Variants in FAM163B observed in about 807,000 individuals in gnomAD.
The protein encoded by FAM163B is family with sequence similarity 163 member B.
Under a neutral mutation model 7.6 loss-of-function variants are expected in FAM163B, and 4 were observed. That is an observed-to-expected ratio of 0.52 (90% confidence interval 0.26 to 1.20). The LOEUF (loss-of-function observed/expected upper bound fraction) is 1.20, where lower values mean the gene tolerates loss of function less well. Among genes scored for constraint, FAM163B ranks in the 50% most tolerant of loss-of-function variants. The probability of loss-of-function intolerance (pLI) is 0.14; values close to 1 mark genes in which losing one functional copy is unlikely to be tolerated. For synonymous variants in FAM163B, 120 were observed against 111.6 expected (o/e 1.07, Z -0.47); for missense variants, 250 against 243.0 (o/e 1.03, Z -0.19).
At chr9:133,592,280 G>C (rs1395420011) in intron 1 of FAM163B, among the ~76,000 whole-genome samples, 1 of 152,278 alleles carries the variant, frequency 6.6e-6, no homozygotes, top group Non-Finnish European at 1.5e-5. Context: ...GGGATTTCTT[G>C]TCTACAGGAA....
chr9:133,592,187 G>A (rs1831562582), intron 1 of FAM163B, among the ~76,000 whole-genome samples: 1 of 152,162 alleles, frequency 6.6e-6, no homozygotes, highest in African/African-American at 2.4e-5. Flanking sequence ...CTCCATAAAT[G>A]CCTGTGGGCC....
chr9:133,584,957 G>C (rs1029043368), intron 1 of FAM163B, among the ~76,000 whole-genome samples: 1 of 152,224 alleles, frequency 6.6e-6, no homozygotes, highest in Non-Finnish European at 1.5e-5. Flanking sequence ...TGCCCCCTGG[G>C]ACCATAAATG....
Position 133,578,881 on chromosome 9 carries a change from G to T in FAM163B, c.*141C>A. ...TGCCACGAGCCTGGGGGCTCCCCAA[G>T]CCTGGGCCTCCCCTGAGGACAGGGA... On this transcript the variant is annotated 3_prime_UTR_variant, in exon 3 of 3. Coordinates refer to ENST00000673969, the MANE Select transcript of FAM163B (RefSeq NM_001080515.3). The T allele has an allele frequency of 2.1e-6, 3 of 1,410,984 alleles. No individual in the cohort carries two copies. The highest frequency in any genetic ancestry group is 2.8e-6 in the Non-Finnish European group (3 of 1,080,768). The allele number at this position is 1,410,984 out of a possible 1,614,324, so 87.4% of individuals were successfully genotyped here. A position where few individuals can be genotyped will look rare whatever the true frequency, so the allele number is the denominator to read the frequency against.
Position 133,580,191 on chromosome 9 carries a change from GC to G in FAM163B, c.32del (p.Gly11AlafsTer6). On this transcript the variant is annotated frameshift_variant, in exon 2 of 3. Transcript: ENST00000673969. LOFTEE classifies it high-confidence loss of function. ...AGAGCAAAATCACAGTCGCCAAGAT[GC>G]CCCCGGTGATGACCACGGTCCCGGC... Reference protein sequence around the residue: MTAGTVVITGGILATVILLCI... With the variant: MTAGTVVITGXILATVILLCI... 1 of 1,613,460 alleles carries G rather than the reference GC, an allele frequency of 6.2e-7. No homozygotes were observed.
chr9:133,579,782 G>T (rs957961743), intron 2 of FAM163B, among the ~76,000 whole-genome samples: 3 of 152,178 alleles, frequency 2.0e-5, no homozygotes, highest in African/African-American at 7.2e-5. Flanking sequence ...GCCCTGCCCC[G>T]ATGGCTCCCC....
chr9:133,587,909 A>G lies in FAM163B; in HGVS notation c.-23-7663T>C, dbSNP rs1464463942. Among the ~76,000 whole-genome samples the G allele has an allele frequency of 2.0e-5, 3 of 149,110 alleles. No homozygotes were observed. In the East Asian group the frequency reaches 6.0e-4, roughly 30 times the overall value. On this transcript the variant is annotated intron_variant, in intron 1 of 2. Transcript: ENST00000673969. ...CTGGGATCTCCCTGGGAGCCCCTGG[A>G]GCAGATAGGGAAGGGACAGAGAAAA...
chr9:133,597,835 C>G (rs188638774), intron 1 of FAM163B, among the ~76,000 whole-genome samples: 1 of 151,608 alleles, frequency 6.6e-6, no homozygotes, highest in Admixed American at 6.6e-5. Context: ...TGGTGCCTTT[C>G]GAGTGCTAAA....
At chr9:133,580,935 A>C (rs1478205855) in intron 1 of FAM163B, among the ~76,000 whole-genome samples, 1 of 152,244 alleles carries the variant, frequency 6.6e-6, no homozygotes, top group Non-Finnish European at 1.5e-5. Context: ...GGCTTCTTAC[A>C]TTAAAGAAAT....
rs948592182 is a variant in FAM163B, at chr9:133,578,146, C to T, written c.*876G>A. Among the ~76,000 whole-genome samples, 168 of 148,574 alleles carry T rather than the reference C, an allele frequency of 1.1e-3. 1 individual carries two copies. Among genetic ancestry groups the T allele is most frequent in the African/African-American group, 3.4e-3 (134 of 39,896 alleles). Reference sequence around the variant, plus strand: ...GGCCAGCCAAGTCTCACGGGGAACTCGGGGGTTTTCAACCCCTGGGCCATG... The same window carrying T: ...GGCCAGCCAAGTCTCACGGGGAACTTGGGGGTTTTCAACCCCTGGGCCATG... On this transcript the variant is annotated 3_prime_UTR_variant, in exon 3 of 3. Coordinates refer to ENST00000673969, the MANE Select transcript of FAM163B (RefSeq NM_001080515.3).
At chr9:133,598,505 G>A (rs111233070) in intron 1 of FAM163B, among the ~76,000 whole-genome samples, 11 of 151,812 alleles carry the variant, frequency 7.2e-5, no homozygotes, top group African/African-American at 1.4e-4. Flanking sequence ...TGTGTGCTGC[G>A]TGTGCTGGGG....
At position 133,601,596 on chromosome 9, in the gene FAM163B, T is replaced by A. The variant is rs746745429; in HGVS notation, c.-24+7481A>T. ...GGTCAGACGCAGCTACCCCCCGGAC[T>A]GCTCCTACACGCTGGCTTGCTTCCC... is the stretch of plus-strand genomic sequence containing the variant. On this transcript the variant is annotated intron_variant, in intron 1 of 2. Coordinates refer to ENST00000673969, the MANE Select transcript of FAM163B (RefSeq NM_001080515.3). The surrounding 1 kb of genome is among the most constrained non-coding windows in gnomAD (Gnocchi z 4.1). 5.9e-5 allele frequency among the ~76,000 whole-genome samples: 9 copies of A among 152,238 alleles called. No individual in the cohort carries two copies. The highest frequency in any genetic ancestry group is 1.2e-4 in the Non-Finnish European group (8 of 68,034).
chr9:133,590,905 C>T (rs1372957778), intron 1 of FAM163B, among the ~76,000 whole-genome samples: 2 of 152,228 alleles, frequency 1.3e-5, no homozygotes, highest in Non-Finnish European at 2.9e-5. Context: ...ACCCTGGATA[C>T]TACCATTGCC....
chr9:133,607,444 G>A (rs547129731), intron 1 of FAM163B, among the ~76,000 whole-genome samples: 1 of 152,294 alleles, frequency 6.6e-6, no homozygotes, highest in South Asian at 2.1e-4. Flanking sequence ...GAGAGGCGAG[G>A]GTGGAGAAGC....
rs1358315750 is a variant in FAM163B, at chr9:133,579,357, G to A, written c.166C>T (p.Pro56Ser). 1.2e-6 allele frequency: 2 copies of A among 1,612,900 alleles called. No individual in the cohort carries two copies. Among genetic ancestry groups the A allele is most frequent in the African/African-American group, 1.3e-5 (1 of 74,934 alleles). ...EPDFAVHSHL[P>S]PLHSNRNLVL... The stretch of plus-strand genomic sequence containing the variant: ...AGGTTGCGGTTGGAGTGCAGCGGGG[G>A]CAGGTGCGAGTGAACGGCGAAGTCT... The change falls in exon 3 of 3, where the codon CCC becomes TCC. Residue 56 changes from proline (P) to serine (S), a missense_variant. Physicochemically the swap from Pro to Ser is moderately conservative, Grantham distance 74 (BLOSUM62 -1). Transcript: ENST00000673969.
chr9:133,583,135 C>G (rs1831380974), intron 1 of FAM163B, among the ~76,000 whole-genome samples: 1 of 152,150 alleles, frequency 6.6e-6, no homozygotes, highest in Non-Finnish European at 1.5e-5. Context: ...GAGGCTCGTG[C>G]CCGAGTGTTG....
intron 1 of FAM163B, among the ~76,000 whole-genome samples, chr9:133,586,429 G>A (rs112307413): frequency 1.7e-4 from 26 of 152,332 alleles, no homozygotes; most frequent in African/African-American, 4.3e-4. Context: ...AAACTCGTTC[G>A]TGCCCAGGGT....
At chr9:133,598,488 C>T (rs1831663851) in intron 1 of FAM163B, among the ~76,000 whole-genome samples, 1 of 151,578 alleles carries the variant, frequency 6.6e-6, no homozygotes, top group African/African-American at 2.4e-5. Flanking sequence ...GTTTCCATGG[C>T]TACAGCTGTG....
At chr9:133,590,918 T>A (rs1018342579) in intron 1 of FAM163B, among the ~76,000 whole-genome samples, 1 of 152,202 alleles carries the variant, frequency 6.6e-6, no homozygotes, top group East Asian at 1.9e-4. Flanking sequence ...CCATTGCCCT[T>A]TGTGAAGGAA....
At chr9:133,590,016 C>A (rs1283616925) in intron 1 of FAM163B, among the ~76,000 whole-genome samples, 1 of 150,844 alleles carries the variant, frequency 6.6e-6, no homozygotes, top group Non-Finnish European at 1.5e-5. Context: ...TTCGTAAAAC[C>A]CTCTCTGCTG....
Sources: gnomAD v4.1 joint callset for allele counts (sites outside exome capture counted in the v4.1 genomes callset) on GRCh38, gnomAD v4.1.1 for gene constraint, Gnocchi (gnomAD v3.1) non-coding constraint, MANE v1.5 for transcripts, NCBI Gene and HGNC (gene_info 2026-07-23, HGNC 2026-07-21) for gene names.